Variants in L1CAM observed in about 807,000 individuals in gnomAD.
L1CAM encodes neural cell adhesion molecule L1.
A neutral mutation model predicts 93.0 loss-of-function variants in L1CAM; 8 were observed. The ratio of observed to expected loss-of-function variants is 0.09; its 90% CI spans 0.05 to 0.16. The LOEUF is 0.16. Among genes scored for constraint, L1CAM ranks in the 10% least tolerant of loss-of-function variants. The pLI is 1.00. For synonymous variants in L1CAM, 453 were observed against 453.0 expected (o/e 1.00, Z 0.00); for missense variants, 777 against 1,073.4 (o/e 0.72, Z 3.86).
chrX:153,885,952 G>T, intron 1 of L1CAM, 113 bp downstream of exon 1: 2 of 677,314 alleles, frequency 3.0e-6, no homozygotes, highest in South Asian at 9.8e-5. Context: ...CGGTTACCGC[G>T]GGCCGGACCG....
chrX:153,884,313 G>A (rs782411881), intron 1 of L1CAM: 28 of 910,565 alleles, frequency 3.1e-5, no homozygotes, highest in African/African-American at 6.2e-5. Flanking sequence ...AGGGGACCCC[G>A]CCACCTTGAA....
Position 153,870,087 on chromosome X carries a change from A to G in L1CAM, c.960T>C (p.Ser320=). 8.3e-7 allele frequency: 1 copy of G among 1,211,814 alleles called. No individual in the cohort carries two copies. The highest frequency in any genetic ancestry group is 1.8e-5 in the South Asian group (1 of 56,997). The part of the protein sequence containing the change: ...YRCLAENSLG[S]ARHAYYVTVE... Reference sequence around the variant, plus strand: ...CGGTGACATAGTACGCATGCCGGGCACTGCCCAGTGAGTTCTCGGCCAGGC... The same window carrying G: ...CGGTGACATAGTACGCATGCCGGGCGCTGCCCAGTGAGTTCTCGGCCAGGC... The change falls in exon 9 of 29, where the codon AGT becomes AGC. Residue 320 remains serine, a synonymous_variant. Transcript: ENST00000370060.
At chrX:153,875,557 G>C (rs782744643) in intron 2 of L1CAM, 2 of 512,583 alleles carry the variant, frequency 3.9e-6, no homozygotes, top group South Asian at 5.0e-5. Context: ...CCTGTCCATG[G>C]TCCTGACACG....
chrX:153,881,896 G>A (rs2064846577), intron 1 of L1CAM, among the ~76,000 whole-genome samples: 1 of 111,514 alleles, frequency 9.0e-6, no homozygotes. Context: ...TCAGGCCCCA[G>A]GCCTCCTCAG....
At chrX:153,863,257 G>T in intron 28 of L1CAM, 111 bp downstream of exon 28, 1 of 867,113 alleles carries the variant, frequency 1.2e-6, no homozygotes, top group Non-Finnish European at 1.7e-6. Context: ...TGGGGGCTGG[G>T]AAGTGAGAGT....
At chrX:153,878,431 G>A (rs1423321359) in intron 1 of L1CAM, among the ~76,000 whole-genome samples, 3 of 113,061 alleles carry the variant, frequency 2.7e-5, no homozygotes, top group African/African-American at 9.6e-5. Context: ...TGGAGGGTAA[G>A]AAGAGTGATT....
At chrX:153,872,545 G>T (rs201193840) in intron 4 of L1CAM, 47 bp downstream of exon 4, 62 of 1,062,859 alleles carry the variant, frequency 5.8e-5, no homozygotes, top group Admixed American at 5.7e-4. Flanking sequence ...GCACAAGGCC[G>T]GGGTCAGTGG....
rs111247323 is a variant in L1CAM at position 153,863,391 on chromosome X, C to A, written c.3531-12G>T. 8.3e-7 allele frequency: 1 copy of A among 1,211,055 alleles called. No homozygotes were observed. Among genetic ancestry groups the A allele is most frequent in the Non-Finnish European group, 1.1e-6 (1 of 895,136 alleles). On this transcript the variant is annotated splice_polypyrimidine_tract_variant and intron_variant, in intron 27 of 28. Transcript: ENST00000370060. ...ACCTCTCCAGGGACCTGAAGTCACC[C>A]GGCAGCACAGAGAAGAGAGAGAGGG...
intron 2 of L1CAM, among the ~76,000 whole-genome samples, chrX:153,874,876 G>GTACTTACA (rs2064801142): frequency 8.9e-6 from 1 of 112,050 alleles, no homozygotes; most frequent in South Asian, 3.7e-4. Context: ...ACGCAAGTGT[G>GTACTTACA]TACTTACATT....
At chrX:153,871,861 G>GCCCCCCCCCCCCCCCCCCC (rs1400258583) in intron 5 of L1CAM, among the ~76,000 whole-genome samples, 1 of 20,813 alleles carries the variant, frequency 4.8e-5, no homozygotes, top group African/African-American at 1.3e-4. Flanking sequence ...CCACCAGCCC[G>GCCCCCCCCCCCCCCCCCCC]CCCCCCCCTC....
At position 153,885,876 on chromosome X, in the gene L1CAM, C is replaced by T. The variant is rs1557096905; in HGVS notation, c.-109+189G>A. 3.6e-6 allele frequency: 3 copies of T among 822,393 alleles called. No individual in the cohort carries two copies. The South Asian group carries it at 8.5e-5, about 23-fold the overall frequency. The allele number at this position is 822,393 out of a possible 1,213,427, so 67.8% of individuals were successfully genotyped here. On this transcript the variant is annotated intron_variant, in intron 1 of 28. Coordinates refer to ENST00000370060, the MANE Select transcript of L1CAM (RefSeq NM_001278116.2). Reference sequence around the variant, plus strand: ...TCGGGCACCCGGCATCCCTCCCCCGCCCCGCTTACAGCCCGCGGTGCCCGG... The same window carrying T: ...TCGGGCACCCGGCATCCCTCCCCCGTCCCGCTTACAGCCCGCGGTGCCCGG...
At chrX:153,883,412 A>G (rs2064857009) in intron 1 of L1CAM, among the ~76,000 whole-genome samples, 1 of 101,832 alleles carries the variant, frequency 9.8e-6, no homozygotes, top group African/African-American at 3.8e-5. Flanking sequence ...GCACAGGGAG[A>G]CGTGGGAGGC....
At chrX:153,867,297 C>G in intron 17 of L1CAM, 59 bp downstream of exon 17, 1 of 1,081,841 alleles carries the variant, frequency 9.2e-7, no homozygotes, top group South Asian at 1.8e-5. Flanking sequence ...TCTAAGCCCT[C>G]CCTTCACAGC....
chrX:153,871,698 C>T (rs1019787859), intron 5 of L1CAM, among the ~76,000 whole-genome samples: 1 of 111,049 alleles, frequency 9.0e-6, no homozygotes, highest in African/African-American at 3.3e-5. Context: ...AAGACAGAGC[C>T]GTGGAGCAAG....
chrX:153,867,606 G>A (rs1199576685), intron 16 of L1CAM, 53 bp from the exon 17 acceptor site: 4 of 1,089,992 alleles, frequency 3.7e-6, no homozygotes, highest in Non-Finnish European at 5.1e-6. Context: ...TTTGGGGGAA[G>A]GGCTGTGGAG....
intron 5 of L1CAM, among the ~76,000 whole-genome samples, chrX:153,871,434 T>A (rs2064768756): frequency 9.0e-6 from 1 of 110,545 alleles, no homozygotes. Context: ...CTTCCACGGT[T>A]CTCAGCTCTC....
At chrX:153,872,870 G>C (rs781804636) in intron 3 of L1CAM, 173 bp from the exon 4 acceptor site, 124 of 483,424 alleles carry the variant, frequency 2.6e-4, no homozygotes, top group Non-Finnish European at 4.0e-4. Flanking sequence ...TGAAAAGAGG[G>C]AGAGAGGGGA....
In L1CAM at chrX:153,867,909, C is replaced by T. The variant is rs1214205620; in HGVS notation, c.1830G>A (p.Gly610=). ...CCAGCCGTGGCACCGGCCCAGGGCT[C>T]CCTGAGGGTGGGGAGGGTCGGTGCT... ...VESRAQLLVV[G]SPGPVPRLVL... Residue 610 remains glycine (G), a splice_region_variant and synonymous_variant, in exon 16 of 29, where the codon GGG becomes GGA. Coordinates refer to ENST00000370060, the MANE Select transcript of L1CAM (RefSeq NM_001278116.2). 2 of 1,208,081 alleles carry T rather than the reference C, an allele frequency of 1.7e-6. No homozygotes were observed. Among genetic ancestry groups the T allele is most frequent in the African/African-American group, 3.5e-5 (2 of 57,020 alleles).
Position 153,864,927 on chromosome X carries a change from C to T in L1CAM, c.2940G>A (p.Leu980=). The T allele has an allele frequency of 4.9e-6, 6 of 1,212,317 alleles. No homozygotes were observed. Among genetic ancestry groups the T allele is most frequent in the Non-Finnish European group, 4.5e-6 (4 of 895,598 alleles). The change falls in exon 23 of 29, where the codon CTG becomes CTA. Residue 980 remains leucine, a synonymous_variant. Coordinates refer to ENST00000370060, the MANE Select transcript of L1CAM (RefSeq NM_001278116.2). ...ACCGCAGGTGGGGGCTGAGATCGGT[C>T]AGGTTGTGTGTCCGAAGTTCGGGGT... is the stretch of plus-strand genomic sequence containing the variant. ...LRDPELRTHN[L]TDLSPHLRYR... is the part of the protein sequence containing the mutation.
Sources: allele counts gnomAD v4.1 joint callset (sites outside exome capture counted in the v4.1 genomes callset), GRCh38; gene constraint gnomAD v4.1.1; transcripts MANE v1.5; gene names NCBI Gene and HGNC (gene_info 2026-07-23, HGNC 2026-07-21).